The following ZNF385C variants were observed in gnomAD, a reference collection of about 807,000 sequenced individuals.
ZNF385C encodes CTD-2132N18.2.
ZNF385C carries 28 observed loss-of-function variants against 35.4 expected under a neutral mutation model. That is an observed-to-expected ratio of 0.79 (90% CI 0.59 to 1.08). The LOEUF (loss-of-function observed/expected upper bound fraction) is 1.08. ZNF385C is among the 50% of genes least tolerant of loss of function. The pLI, the probability that ZNF385C is intolerant of heterozygous loss-of-function variation, is 0.00. For synonymous variants in ZNF385C, 248 were observed against 248.2 expected (o/e 1.00, Z 0.01); for missense variants, 605 against 595.6 (o/e 1.02, Z -0.16).
chr17:42,082,334 G>T (rs1489604491), intron 1 of ZNF385C, among the ~76,000 whole-genome samples: 1 of 152,192 alleles, frequency 6.6e-6, no homozygotes, highest in African/African-American at 2.4e-5. Flanking sequence ...CACCACGCCC[G>T]ACCTCTTCCC....
intron 2 of ZNF385C, 123 bp downstream of exon 2, chr17:42,062,684 A>G (rs2053480484): frequency 2.4e-6 from 1 of 420,518 alleles, no homozygotes; most frequent in Non-Finnish European, 4.2e-6. Flanking sequence ...GACCCCATTG[A>G]GGGCACCCCA....
In ZNF385C at chr17:42,026,620, C is replaced by T. The variant is rs2052583528; in HGVS notation, c.*277G>A. 3.9e-6 allele frequency: 2 copies of T among 507,784 alleles called. No homozygotes were observed. Among genetic ancestry groups the T allele is most frequent in the Non-Finnish European group, 7.1e-6 (2 of 280,386 alleles). 31.5% of individuals were successfully genotyped at this position (507,784 alleles called of 1,614,324 possible). Reference sequence around the variant, plus strand: ...CTTGGGTGGAGGAAAGTGAGAGCACCACATGGCTGGGGCTGAGATTTTGCA... The same window carrying T: ...CTTGGGTGGAGGAAAGTGAGAGCACTACATGGCTGGGGCTGAGATTTTGCA... On this transcript the variant is annotated 3_prime_UTR_variant, in exon 9 of 9. Coordinates refer to ENST00000692273, the MANE Select transcript of ZNF385C (RefSeq NM_001392013.1).
At chr17:42,044,818 A>G (rs1342343422) in intron 2 of ZNF385C, among the ~76,000 whole-genome samples, 1 of 150,774 alleles carries the variant, frequency 6.6e-6, no homozygotes, top group East Asian at 1.9e-4. Flanking sequence ...AGTTGCCTCT[A>G]CCTCCCTCAC....
chr17:42,039,972 G>A (rs2052971475), intron 2 of ZNF385C: 1 of 1,231,090 alleles, frequency 8.1e-7, no homozygotes, highest in South Asian at 4.1e-5. Context: ...GCAGCTCCGA[G>A]TGCGCGCACG....
rs957669524 is a variant in ZNF385C, at chr17:42,063,012, G to A, written c.45C>T (p.Thr15=). 23 of 682,796 alleles carry A rather than the reference G, an allele frequency of 3.4e-5. No homozygotes were observed. The African/African-American group carries it at 3.6e-4, about 11-fold the overall frequency. 42.3% of individuals were successfully genotyped at this position (682,796 alleles called of 1,614,324 possible). ...LSPPPPAEKE[T]PISGAAECLP... ...GGCACTCAGCAGCTCCAGATATGGGGGTCTCCTTCTCAGCCGGTGGGGGTG... is the reference window on the plus strand; with the variant it reads ...GGCACTCAGCAGCTCCAGATATGGGAGTCTCCTTCTCAGCCGGTGGGGGTG... Residue 15 remains threonine (T), a synonymous_variant, in exon 2 of 9, where the codon ACC becomes ACT. Coordinates refer to ENST00000692273, the MANE Select transcript of ZNF385C (RefSeq NM_001392013.1).
intron 7 of ZNF385C, 68 bp from the exon 8 acceptor site, chr17:42,027,796 G>T (rs1294486959): frequency 6.7e-7 from 1 of 1,494,078 alleles, no homozygotes; most frequent in Admixed American, 1.8e-5. Context: ...CATCATCCTC[G>T]ACTCTTCCCC....
intron 2 of ZNF385C, among the ~76,000 whole-genome samples, chr17:42,053,166 CA>C (rs1327480069): frequency 1.3e-5 from 2 of 152,178 alleles, no homozygotes; most frequent in African/African-American, 4.8e-5. Flanking sequence ...AGGAAGACTC[CA>C]AAGCCCAATC....
chr17:42,056,838 T>G (rs529697440), intron 2 of ZNF385C, among the ~76,000 whole-genome samples: 25 of 152,304 alleles, frequency 1.6e-4, no homozygotes, highest in African/African-American at 5.8e-4. Context: ...CCGTCATGAC[T>G]GTGAGGCCTC....
intron 2 of ZNF385C, among the ~76,000 whole-genome samples, chr17:42,046,537 C>T (rs1555656636): frequency 6.6e-6 from 1 of 151,984 alleles, no homozygotes; most frequent in Admixed American, 6.6e-5. Context: ...GAGTTCAAGG[C>T]TATAGTGAGC....
At chr17:42,027,476 A>T in intron 8 of ZNF385C, 142 bp downstream of exon 8, 1 of 746,490 alleles carries the variant, frequency 1.3e-6, no homozygotes, top group Non-Finnish European at 2.1e-6. Flanking sequence ...CCCAGTTCCC[A>T]GGCCTAGCTC....
chr17:42,089,506 A>C (rs2053842913), intron 1 of ZNF385C, among the ~76,000 whole-genome samples: 1 of 152,002 alleles, frequency 6.6e-6, no homozygotes, highest in Non-Finnish European at 1.5e-5. Context: ...CCTCCCACAG[A>C]TCAACTGAGA....
intron 2 of ZNF385C, among the ~76,000 whole-genome samples, chr17:42,057,317 T>C (rs1288605234): frequency 6.6e-6 from 1 of 152,150 alleles, no homozygotes. Flanking sequence ...GTGCAAGTGC[T>C]TTGTTCAGCT....
chr17:42,088,359 G>A (rs528854504), intron 1 of ZNF385C, among the ~76,000 whole-genome samples: 7 of 152,220 alleles, frequency 4.6e-5, no homozygotes, highest in African/African-American at 9.6e-5. Flanking sequence ...CTCCTCAGGC[G>A]CCTGGCCTGG....
chr17:42,045,698 C>G (rs7225117), intron 2 of ZNF385C, among the ~76,000 whole-genome samples: 118,473 of 152,116 alleles, frequency 0.78, 46,874 homozygotes, highest in South Asian at 0.86. Context: ...GGTATCACCT[C>G]GATCACTGCA....
At chr17:42,051,689 A>G (rs1316324841) in intron 2 of ZNF385C, among the ~76,000 whole-genome samples, 1 of 152,156 alleles carries the variant, frequency 6.6e-6, no homozygotes, top group African/African-American at 2.4e-5. Flanking sequence ...CAGACAGCAC[A>G]AAGTCACCCA....
At chr17:42,038,130 G>T (rs1446150307) in intron 2 of ZNF385C, 3 of 1,484,236 alleles carry the variant, frequency 2.0e-6, no homozygotes, top group Admixed American at 2.0e-5. Flanking sequence ...TGACCCTCCT[G>T]CCCCTACTGA....
At chr17:42,091,357 G>A (rs1738156971) in intron 1 of ZNF385C, among the ~76,000 whole-genome samples, 1 of 152,098 alleles carries the variant, frequency 6.6e-6, no homozygotes, top group Non-Finnish European at 1.5e-5. Context: ...GGGGTGGGAG[G>A]ATTGCTTGGG....
intron 2 of ZNF385C, 89 bp downstream of exon 2, chr17:42,062,718 A>G: frequency 2.2e-6 from 1 of 445,762 alleles, no homozygotes; most frequent in Non-Finnish European, 4.0e-6. Context: ...CCATGGAGGG[A>G]GGCCACAGAC....
chr17:42,078,364 G>A (rs1449018402), intron 1 of ZNF385C, among the ~76,000 whole-genome samples: 1 of 151,854 alleles, frequency 6.6e-6, no homozygotes, highest in East Asian at 1.9e-4. Flanking sequence ...GAGGTAGGAA[G>A]CCTAGAATCT....
Sources: allele counts gnomAD v4.1 joint callset (sites outside exome capture counted in the v4.1 genomes callset), GRCh38; gene constraint gnomAD v4.1.1; transcripts MANE v1.5; gene names NCBI Gene and HGNC (gene_info 2026-07-23, HGNC 2026-07-21).